Variants in RPS19 observed in about 807,000 individuals in gnomAD.
The protein encoded by RPS19 is ribosomal protein S19.
A neutral mutation model predicts 20.3 loss-of-function variants in RPS19; 1 was observed. The observed-to-expected ratio is 0.05, with a 90% CI of 0.02 to 0.23. The LOEUF (loss-of-function observed/expected upper bound fraction) is 0.23, where lower values mean the gene tolerates loss of function less well. RPS19 is among the 10% of genes least tolerant of loss of function. The pLI is 1.00. For missense variants in RPS19, 111 were observed against 192.7 expected, an observed-to-expected ratio of 0.58 and a Z score of 2.51; for synonymous variants, 87 against 74.8, an observed-to-expected ratio of 1.16 and a Z score of -0.84.
Position 41,872,540 on chromosome 19 carries a change from G to C in RPS19, c.*1163G>C, listed in dbSNP as rs2074160234. The C allele has an allele frequency of 6.6e-6, 1 of 152,318 alleles. No individual in the cohort carries two copies. The highest frequency in any genetic ancestry group is 6.5e-5 in the Admixed American group (1 of 15,280). The allele number at this position is 152,318 out of a possible 1,614,324, so 9.4% of individuals were successfully genotyped here. A position where few individuals can be genotyped will look rare whatever the true frequency, so the allele number is the denominator to read the frequency against. Reference sequence around the variant, plus strand: ...TGGACAAGATGCCGTGGAGAGCCTTGGCTCTGAGTAGCTCTGCTGCTGGAC... The same window carrying C: ...TGGACAAGATGCCGTGGAGAGCCTTCGCTCTGAGTAGCTCTGCTGCTGGAC... On this transcript the variant is annotated 3_prime_UTR_variant, in exon 6 of 6. Transcript: ENST00000598742.
intron 5 of RPS19, 83 bp from the exon 6 acceptor site, chr19:41,871,268 T>A (rs2074146497): frequency 8.4e-7 from 1 of 1,189,938 alleles, no homozygotes; most frequent in Non-Finnish European, 1.3e-6. Context: ...TGCCCACCTG[T>A]GGTGGGTAGT....
In RPS19 at chr19:41,870,847, TCC is replaced by T. The variant is rs1300487645; in HGVS notation, c.412-503_412-502del. On this transcript the variant is annotated intron_variant, in intron 5 of 5. Transcript: ENST00000598742. ...TTTGGACTCCACTCCGCCACTCCCT[TCC>T]TTTTTTTTTTTTTTTTTTTTTTTTT... Among the ~76,000 whole-genome samples, 740 of 77,566 alleles carry T rather than the reference TCC, an allele frequency of 9.5e-3. 17 individuals carry two copies. Among genetic ancestry groups the T allele is most frequent in the African/African-American group, 0.023 (597 of 26,040 alleles). The allele number at this position is 77,566 out of a possible 152,430, so 50.9% of individuals were successfully genotyped here.
At chr19:41,862,480 C>T (rs1437230961) in intron 3 of RPS19, among the ~76,000 whole-genome samples, 1 of 152,108 alleles carries the variant, frequency 6.6e-6, no homozygotes, top group Non-Finnish European at 1.5e-5. Context: ...TACATATCTC[C>T]TCCACCTGTC....
intron 3 of RPS19, among the ~76,000 whole-genome samples, chr19:41,866,140 CTACTCGGGAGGCTGAGA>C (rs1300748308): frequency 6.7e-6 from 1 of 149,372 alleles, no homozygotes; most frequent in East Asian, 2.0e-4. Context: ...GTAGTCCCAG[CTACTCGGGAGGCTGAGA>C]CAGGAGAATT....
chr19:41,869,893 C>T (rs1368235338), intron 5 of RPS19, 140 bp downstream of exon 5: 1 of 817,030 alleles, frequency 1.2e-6, no homozygotes, highest in Non-Finnish European at 2.0e-6. Flanking sequence ...GGAGGGCTGC[C>T]CAGAGACAGG....
At position 41,860,782 on chromosome 19, in the gene RPS19, G is replaced by A. The variant is rs1555839013; in HGVS notation, c.8G>A (p.Gly3Glu). Reference sequence around the variant, plus strand: ...CTTGACTTTCTCCCTCAGATGCCTGGAGTTACTGTAAAAGACGTGAACCAG... The same window carrying A: ...CTTGACTTTCTCCCTCAGATGCCTGAAGTTACTGTAAAAGACGTGAACCAG... MP[G>E]VTVKDVNQQE... Residue 3 changes from glycine to glutamate, a missense_variant, in exon 2 of 6, where the codon GGA becomes GAA. Gly to Glu is a moderately conservative substitution (Grantham distance 98). Transcript: ENST00000598742. 1 of 1,613,690 alleles carries A rather than the reference G, an allele frequency of 6.2e-7. No individual in the cohort carries two copies. The highest frequency in any genetic ancestry group is 8.5e-7 in the Non-Finnish European group (1 of 1,179,576).
rs1344562716 is a variant in RPS19 at position 41,871,217 on chromosome 19, G to A, written c.412-134G>A. 2.5e-5 allele frequency: 20 copies of A among 806,042 alleles called. 1 individual carries two copies. Among genetic ancestry groups the A allele is most frequent in the South Asian group, 2.4e-4 (18 of 74,356 alleles). 49.9% of individuals were successfully genotyped at this position (806,042 alleles called of 1,614,324 possible). On this transcript the variant is annotated intron_variant, in intron 5 of 5. Coordinates refer to ENST00000598742, the MANE Select transcript of RPS19 (RefSeq NM_001022.4). ...TGAAATGGGGGAATACCCACAGTGA[G>A]AATTAGATGAGATAGATGCATTTGA...
rs1050121894 is a variant in RPS19, at chr19:41,871,460, A to C, written c.*83A>C. ...TTTTGAGTCTCTTGCTCTGTCGCCC[A>C]GGCTGGAGTGCAGTGGCGCCATCTC... On this transcript the variant is annotated 3_prime_UTR_variant, in exon 6 of 6. Coordinates refer to ENST00000598742, the MANE Select transcript of RPS19 (RefSeq NM_001022.4). The C allele has an allele frequency of 2.6e-5, 33 of 1,258,058 alleles. No individual in the cohort carries two copies. The highest frequency in any genetic ancestry group is 3.6e-5 in the Non-Finnish European group (31 of 860,060). 77.9% of individuals were successfully genotyped at this position (1,258,058 alleles called of 1,614,324 possible).
rs111469954 is a variant in RPS19 at position 41,871,411 on chromosome 19, T to A, written c.*34T>A. 1 of 1,603,256 alleles carries A rather than the reference T, an allele frequency of 6.2e-7. No homozygotes were observed. The highest frequency in any genetic ancestry group is 2.2e-5 in the East Asian group (1 of 44,810). On this transcript the variant is annotated 3_prime_UTR_variant, in exon 6 of 6. Transcript: ENST00000598742. ...ATGCTGGGTTAATAAATTGCCTCAT[T>A]CGTAATCCTGGTCTGGGTCTCTTTT...
At chr19:41,868,386 G>A (rs1256963080) in intron 3 of RPS19, among the ~76,000 whole-genome samples, 1 of 152,220 alleles carries the variant, frequency 6.6e-6, no homozygotes, top group African/African-American at 2.4e-5. Context: ...CTCAGGTGAA[G>A]AAGGGTGGAG....
chr19:41,865,702 A>G (rs923829468), intron 3 of RPS19, among the ~76,000 whole-genome samples: 1 of 152,006 alleles, frequency 6.6e-6, no homozygotes, highest in African/African-American at 2.4e-5. Context: ...TAATCCCAGC[A>G]CTTTCGGAGG....
rs2074034555 is a variant in RPS19 at position 41,861,752 on chromosome 19, A to G, written c.172+540A>G. On this transcript the variant is annotated intron_variant, in intron 3 of 5. Transcript: ENST00000598742. ...TCAGATCATCAAGTTAGCCTTCTCC[A>G]TATCTCTAACAGGCTGTTTCTAACT... 9 of 173,126 alleles carry G rather than the reference A, an allele frequency of 5.2e-5. No individual in the cohort carries two copies. The South Asian group carries it at 8.2e-4, about 16-fold the overall frequency. The allele number at this position is 173,126 out of a possible 1,614,324, so 10.7% of individuals were successfully genotyped here.
intron 3 of RPS19, among the ~76,000 whole-genome samples, chr19:41,865,816 G>T (rs1264358307): frequency 1.3e-5 from 2 of 151,082 alleles, no homozygotes; most frequent in African/African-American, 2.4e-5. Context: ...GGGCGTGGTG[G>T]CGGGCGCCTG....
rs782263708 is a variant in RPS19, at chr19:41,869,161, C to T, written c.303C>T (p.Arg101=). 53 of 1,613,920 alleles carry T rather than the reference C, an allele frequency of 3.3e-5. No homozygotes were observed. The highest frequency in any genetic ancestry group is 4.4e-5 in the Non-Finnish European group (52 of 1,179,954). ...GCCGAGGCTCCAAGAGTGTGGCCCG[C>T]CGGGTCCTCCAAGCCCTGGAGGGGC... ...HFSRGSKSVA[R]RVLQALEGLK... The change falls in exon 4 of 6, where the codon CGC becomes CGT. Residue 101 remains arginine, a synonymous_variant. Transcript: ENST00000598742.
intron 3 of RPS19, chr19:41,864,814 A>G (rs2123270628): frequency 6.6e-6 from 1 of 152,356 alleles, no homozygotes; most frequent in East Asian, 1.9e-4. Context: ...GGCCCTCATG[A>G]GTACCAGCTA....
At chr19:41,867,020 GA>G (rs1375940219) in intron 3 of RPS19, among the ~76,000 whole-genome samples, 8 of 140,948 alleles carry the variant, frequency 5.7e-5, no homozygotes, top group South Asian at 2.3e-4. Flanking sequence ...CTCCATCTCA[GA>G]AAAAAAAAAT....
chr19:41,869,866 G>A (rs1568796267), intron 5 of RPS19, 113 bp downstream of exon 5: 3 of 1,146,430 alleles, frequency 2.6e-6, no homozygotes, highest in South Asian at 1.3e-5. Flanking sequence ...ACAGCCCAGG[G>A]TGCTGGTGGG....
intron 3 of RPS19, among the ~76,000 whole-genome samples, chr19:41,862,264 A>C (rs1374056441): frequency 6.6e-6 from 1 of 152,130 alleles, no homozygotes; most frequent in Non-Finnish European, 1.5e-5. Flanking sequence ...TCAAATGTCT[A>C]TTGGGGCCCA....
intron 1 of RPS19, 190 bp from the exon 2 acceptor site, chr19:41,860,585 A>G (rs2074017428): frequency 3.0e-6 from 2 of 676,378 alleles, no homozygotes; most frequent in East Asian, 2.6e-5. Flanking sequence ...TGCGATCCAG[A>G]GAGGCCGTGG....
Sources: gnomAD v4.1 joint callset for allele counts (sites outside exome capture counted in the v4.1 genomes callset) on GRCh38, gnomAD v4.1.1 for gene constraint, MANE v1.5 for transcripts, NCBI Gene and HGNC (gene_info 2026-07-23, HGNC 2026-07-21) for gene names.